FAM217A: variants seen among roughly 807,000 people sequenced by gnomAD.
FAM217A encodes protein FAM217A.
A neutral mutation model predicts 18.5 loss-of-function variants in FAM217A; 13 were observed. That is an observed-to-expected ratio of 0.70 (90% CI 0.46 to 1.12). FAM217A has a LOEUF of 1.12. Ranked by LOEUF, FAM217A falls within the 50% of genes most tolerant of loss-of-function variation. The pLI is 0.00. For missense variants in FAM217A, 560 were observed against 575.4 expected (o/e 0.97, Z 0.27); for synonymous variants, 161 against 202.8 (o/e 0.79, Z 1.75).
At chr6:4,077,505 G>T in intron 1 of FAM217A, 57 bp from the exon 2 acceptor site, 1 of 1,370,544 alleles carries the variant, frequency 7.3e-7, no homozygotes, top group Non-Finnish European at 1.0e-6. Flanking sequence ...TTATAAAAAA[G>T]AAAGTGTGAG....
At chr6:4,075,735 G>C (rs1024651929) in intron 2 of FAM217A, among the ~76,000 whole-genome samples, 1 of 152,160 alleles carries the variant, frequency 6.6e-6, no homozygotes, top group Non-Finnish European at 1.5e-5. Flanking sequence ...AATGAAATGT[G>C]AGGTATTATT....
At chr6:4,078,139 C>T (rs1443042188) in intron 1 of FAM217A, among the ~76,000 whole-genome samples, 1 of 150,778 alleles carries the variant, frequency 6.6e-6, no homozygotes, top group Non-Finnish European at 1.5e-5. Context: ...CTGCAACCTC[C>T]GCCTCCCGGG....
upstream of FAM217A, among the ~76,000 whole-genome samples, chr6:4,084,097 CT>C (rs1475226463): frequency 6.6e-6 from 1 of 152,106 alleles, no homozygotes; most frequent in East Asian, 1.9e-4. Context: ...ATTTAGAACT[CT>C]ATTCTATGAG....
At chr6:4,081,526 G>A (rs1421754260), upstream of FAM217A, among the ~76,000 whole-genome samples, 1 of 152,108 alleles carries the variant, frequency 6.6e-6, no homozygotes, top group Non-Finnish European at 1.5e-5. Context: ...TGGCCAGGCT[G>A]GTCTCGAACT....
rs1419229316 is a variant in FAM217A, at chr6:4,073,257, A to T, written c.302+18T>A. 1 of 1,570,066 alleles carries T rather than the reference A, an allele frequency of 6.4e-7. No homozygotes were observed. ...TATTTCAGTAATTTAGGGTGTTACA[A>T]AATAACTACTCGCTTACCTCTTCTC... On this transcript the variant is annotated intron_variant, in intron 6 of 6. Coordinates refer to ENST00000274673, the MANE Select transcript of FAM217A (RefSeq NM_173563.3).
At chr6:4,079,660 T>G (rs1278556211), upstream of FAM217A, 1 of 1,199,192 alleles carries the variant, frequency 8.3e-7, no homozygotes, top group Admixed American at 2.3e-5. Context: ...CCTGCTCACA[T>G]CAAGCCAGGA....
At position 4,085,311 on chromosome 6, in the gene FAM217A, A is replaced by ATATATAT. The variant is rs1554147275; in HGVS notation, c.19-502_19-501insATATATA. On this transcript the variant is annotated intron_variant, in intron 1 of 8. Transcript: ENST00000639338. ...AGAAGTGTTATTCATTGTAAAAAAA[A>ATATATAT]ATATATATATATATATAAAATATGT... Among the ~76,000 whole-genome samples the ATATATAT allele has an allele frequency of 4.1e-3, 602 of 146,430 alleles. 2 individuals are homozygous for ATATATAT. Among genetic ancestry groups the ATATATAT allele is most frequent in the East Asian group, 0.011 (56 of 4,908 alleles).
At chr6:4,085,673 C>T (rs925630034) in intron 1 of FAM217A, among the ~76,000 whole-genome samples, 10 of 152,146 alleles carry the variant, frequency 6.6e-5, no homozygotes, top group South Asian at 2.1e-4. Flanking sequence ...CCCCTTCTCC[C>T]CACCAAAAAC....
rs1769892985 is a variant in FAM217A, at chr6:4,077,397, C to T, written c.18G>A (p.Glu6=). The part of the protein sequence containing the change: MGRRN[E]NCANSLRVSN... ...ACACACGTAGGCTGTTAGCACAGTT[C>T]TCATTTCTTCTCCCCATTTTGTTGT... Residue 6 remains glutamate, a synonymous_variant, in exon 2 of 7, where the codon GAG becomes GAA. Coordinates refer to ENST00000274673, the MANE Select transcript of FAM217A (RefSeq NM_173563.3). 6.2e-7 allele frequency: 1 copy of T among 1,614,074 alleles called. No individual in the cohort carries two copies. Among genetic ancestry groups the T allele is most frequent in the Non-Finnish European group, 8.5e-7 (1 of 1,180,024 alleles).
rs1255661229 is a variant in FAM217A, at chr6:4,069,669, T to C, written c.554A>G (p.Asn185Ser). The C allele has an allele frequency of 6.2e-7, 1 of 1,614,042 alleles. No individual in the cohort carries two copies. Among genetic ancestry groups the C allele is most frequent in the African/African-American group, 1.3e-5 (1 of 74,922 alleles). ...GCTGTTTCCATGTTTCAAATTCCAATTTGGAGCAGGTAATGTTTCACCATC... is the reference window on the plus strand; with the variant it reads ...GCTGTTTCCATGTTTCAAATTCCAACTTGGAGCAGGTAATGTTTCACCATC... Reference protein sequence around the residue: ...NNDGETLPAPNWNLKHGNSSV... With the variant: ...NNDGETLPAPSWNLKHGNSSV... Residue 185 changes from asparagine to serine, a missense_variant, in exon 7 of 7, where the codon AAT becomes AGT. Asn to Ser is a conservative substitution (Grantham distance 46, BLOSUM62 1). Transcript: ENST00000274673.
upstream of FAM217A, chr6:4,079,404 C>A (rs1488956556): frequency 1.3e-5 from 4 of 318,004 alleles, no homozygotes; most frequent in Non-Finnish European, 2.5e-5. Context: ...AAGGGGCCGC[C>A]CCCGGCCTCG....
intron 6 of FAM217A, 25 bp from the exon 7 acceptor site, chr6:4,069,945 A>C: frequency 1.4e-6 from 2 of 1,447,636 alleles, no homozygotes. Flanking sequence ...TTAATTAATG[A>C]ATGGTTTATT....
chr6:4,086,827 T>C (rs1770697004), intron 1 of FAM217A, among the ~76,000 whole-genome samples: 1 of 152,236 alleles, frequency 6.6e-6, no homozygotes, highest in South Asian at 2.1e-4. Flanking sequence ...TCTGTCTTGC[T>C]CTGGACTGTG....
intron 3 of FAM217A, 32 bp from the exon 4 acceptor site, chr6:4,074,488 G>T (rs770336358): frequency 7.0e-6 from 11 of 1,582,374 alleles, no homozygotes; most frequent in Non-Finnish European, 9.5e-6. Flanking sequence ...ACAATTAATA[G>T]TTACATAAAA....
chr6:4,084,945 C>A (rs992175028), intron 1 of FAM217A: 1 of 606,430 alleles, frequency 1.6e-6, no homozygotes, highest in African/African-American at 1.8e-5. Flanking sequence ...CTGCTGGCAC[C>A]TACGTGGGCT....
chr6:4,072,533 T>G (rs1487731649), intron 6 of FAM217A, among the ~76,000 whole-genome samples: 1 of 149,904 alleles, frequency 6.7e-6, no homozygotes, highest in Non-Finnish European at 1.5e-5. Flanking sequence ...GAGGCCGAGG[T>G]GGGTGGATCA....
rs780277571 is a variant in FAM217A at position 4,068,904 on chromosome 6, G to A, written c.1319C>T (p.Ser440Phe). Residue 440 changes from serine to phenylalanine, a missense_variant, in exon 7 of 7, where the codon TCT becomes TTT. Coordinates refer to ENST00000274673, the MANE Select transcript of FAM217A (RefSeq NM_173563.3). ...MVSTRCLPWR[S>F]PMPVSPIPLT... ...AGGTATAGGTGAAACTGGCATTGGA[G>A]ACCTCCATGGCAGACATCTTGTGGA... is the stretch of plus-strand genomic sequence containing the variant. 2 of 1,614,168 alleles carry A rather than the reference G, an allele frequency of 1.2e-6. No homozygotes were observed. Among genetic ancestry groups the A allele is most frequent in the Non-Finnish European group, 1.7e-6 (2 of 1,180,026 alleles).
Position 4,069,365 on chromosome 6 carries a change from C to A in FAM217A, c.858G>T (p.Leu286Phe). ...GTTCTAGTTCCAGTAAACGAGTTAT[C>A]AAGTGTTCAACAGAGGTTTCTGCAG... The part of the protein sequence containing the change: ...VDPAETSVEH[L>F]ITRLLELERL... Residue 286 changes from leucine (L) to phenylalanine (F), a missense_variant, in exon 7 of 7, where the codon TTG becomes TTT. Leu to Phe is a conservative substitution (Grantham distance 22, BLOSUM62 0). Coordinates refer to ENST00000274673, the MANE Select transcript of FAM217A (RefSeq NM_173563.3). 1 of 1,614,076 alleles carries A rather than the reference C, an allele frequency of 6.2e-7. No homozygotes were observed. The highest frequency in any genetic ancestry group is 8.5e-7 in the Non-Finnish European group (1 of 1,180,016).
At chr6:4,084,631 C>G in exon 2 of FAM217A, 1 of 703,018 alleles carries the variant, frequency 1.4e-6, no homozygotes, top group Non-Finnish European at 2.6e-6. Context: ...CGTCAGACCC[C>G]TCCCACCTCA....
Sources: gnomAD v4.1 joint callset for allele counts (sites outside exome capture counted in the v4.1 genomes callset) on GRCh38, gnomAD v4.1.1 for gene constraint, MANE v1.5 for transcripts, NCBI Gene and HGNC (gene_info 2026-07-23, HGNC 2026-07-21) for gene names.